Variants in STPG2 observed in about 807,000 individuals in gnomAD.
The protein encoded by STPG2 is sperm tail PG-rich repeat containing 2, also known as sperm-tail PG-rich repeat-containing protein 2.
Under a neutral mutation model 54.2 loss-of-function variants are expected in STPG2, and 56 were observed. The ratio of observed to expected loss-of-function variants is 1.03; its 90% CI spans 0.83 to 1.29. The LOEUF is 1.29. Ranked by LOEUF, STPG2 falls within the 50% of genes most tolerant of loss-of-function variation. The pLI is 0.00. For missense variants in STPG2, 596 were observed against 544.9 expected (o/e 1.09, Z -0.93); for synonymous variants, 200 against 181.8 (o/e 1.10, Z -0.81).
At chr4:97,976,144 C>T (rs1265187017) in intron 6 of STPG2, among the ~76,000 whole-genome samples, 3 of 152,138 alleles carry the variant, frequency 2.0e-5, no homozygotes, top group East Asian at 3.9e-4. Flanking sequence ...AGTCTATTCC[C>T]TAAAAATATC....
intron 8 of STPG2, among the ~76,000 whole-genome samples, chr4:97,864,556 C>A (rs1470057570): frequency 1.3e-5 from 2 of 152,088 alleles, no homozygotes; most frequent in South Asian, 2.1e-4. Context: ...CATCAAGCTA[C>A]CAATGACTTT....
chr4:97,942,025 TC>T (rs1425643405), intron 8 of STPG2, among the ~76,000 whole-genome samples: 1 of 151,818 alleles, frequency 6.6e-6, no homozygotes, highest in Admixed American at 6.6e-5. Flanking sequence ...GTAAATTAAG[TC>T]AAAAATATTG....
At chr4:97,489,043 T>C (rs1730440780) in intron 4 of STPG2, among the ~76,000 whole-genome samples, 1 of 151,486 alleles carries the variant, frequency 6.6e-6, no homozygotes, top group African/African-American at 2.4e-5. Flanking sequence ...TGGGGGCGGG[T>C]CTTTCCCATG....
chr4:98,020,760 T>C (rs1736154632), intron 5 of STPG2, among the ~76,000 whole-genome samples: 1 of 152,218 alleles, frequency 6.6e-6, no homozygotes, highest in African/African-American at 2.4e-5. Flanking sequence ...GGTGTATGTG[T>C]CCAGGAATTT....
chr4:97,572,605 G>A (rs1732627587), intron 10 of STPG2: 1 of 152,072 alleles, frequency 6.6e-6, no homozygotes, highest in Non-Finnish European at 1.5e-5. Context: ...GCAAATGATA[G>A]TGTGCTTTTG....
chr4:98,078,892 T>G (rs960849675), intron 5 of STPG2, among the ~76,000 whole-genome samples: 1 of 152,160 alleles, frequency 6.6e-6, no homozygotes, highest in Non-Finnish European at 1.5e-5. Context: ...TTAAAAGGTA[T>G]TGTAAGTCTA....
chr4:97,804,342 T>G (rs111332990), intron 9 of STPG2, among the ~76,000 whole-genome samples: 1,885 of 152,256 alleles, frequency 0.012, 33 homozygotes, highest in African/African-American at 0.043. Flanking sequence ...GAAAAATTCC[T>G]GTTGCCTAGT....
At chr4:98,061,869 A>G (rs1283323116) in intron 5 of STPG2, among the ~76,000 whole-genome samples, 2 of 152,204 alleles carry the variant, frequency 1.3e-5, no homozygotes, top group African/African-American at 4.8e-5. Flanking sequence ...TAGTTCAAAC[A>G]CTATGGAAAG....
chr4:97,795,281 T>A (rs974842245), intron 9 of STPG2, among the ~76,000 whole-genome samples: 1 of 152,190 alleles, frequency 6.6e-6, no homozygotes, highest in African/African-American at 2.4e-5. Flanking sequence ...TGTGCCATGT[T>A]GGTGTGCTGC....
At chr4:97,537,523 C>G (rs1731565781) in intron 4 of STPG2, among the ~76,000 whole-genome samples, 1 of 152,138 alleles carries the variant, frequency 6.6e-6, no homozygotes, top group Non-Finnish European at 1.5e-5. Flanking sequence ...TCTGAGGCTT[C>G]AGTAGGTAAA....
intron 5 of STPG2, among the ~76,000 whole-genome samples, chr4:98,099,731 C>G (rs1896156): frequency 0.4 from 60,167 of 151,772 alleles, 12,150 homozygotes; most frequent in Middle Eastern, 0.47. Flanking sequence ...TCTCATGTAC[C>G]CCATAAAAAT....
chr4:97,746,748 A>T (rs952741970), intron 9 of STPG2, among the ~76,000 whole-genome samples: 10 of 151,288 alleles, frequency 6.6e-5, no homozygotes, highest in Non-Finnish European at 1.3e-4. Context: ...TTACCTAAAT[A>T]TGGCAAAGGG....
At chr4:97,552,737 G>GA (rs1488508799) in intron 4 of STPG2, among the ~76,000 whole-genome samples, 4 of 151,880 alleles carry the variant, frequency 2.6e-5, no homozygotes, top group African/African-American at 7.3e-5. Flanking sequence ...CTAATGTAAA[G>GA]AAAAAAATGA....
At chr4:97,981,052 A>G (rs1215359353) in intron 6 of STPG2, 107 bp downstream of exon 6, 1 of 1,216,080 alleles carries the variant, frequency 8.2e-7, no homozygotes, top group African/African-American at 1.5e-5. Flanking sequence ...AATGACACCA[A>G]CCATAGGACA....
At chr4:98,057,940 A>AT (rs1737529438) in intron 5 of STPG2, among the ~76,000 whole-genome samples, 2 of 152,254 alleles carry the variant, frequency 1.3e-5, no homozygotes. Flanking sequence ...CCAGATTTTC[A>AT]TATCTAGCCA....
chr4:97,799,752 T>C (rs979492389), intron 9 of STPG2, among the ~76,000 whole-genome samples: 5 of 148,966 alleles, frequency 3.4e-5, no homozygotes, highest in African/African-American at 1.3e-4. Context: ...TGGCGAAGTT[T>C]TCCTGGATAA....
At chr4:97,483,747 T>C (rs1337474280) in intron 4 of STPG2, among the ~76,000 whole-genome samples, 2 of 151,752 alleles carry the variant, frequency 1.3e-5, no homozygotes, top group East Asian at 3.9e-4. Flanking sequence ...TACAGAACTT[T>C]CCATCCAATA....
Position 98,066,345 on chromosome 4 carries a change from C to CTATAATCCCAGCACTT in STPG2, c.612+39607_612+39608insAAGTGCTGGGATTATA, listed in dbSNP as rs1553938512. 1.3e-5 allele frequency among the ~76,000 whole-genome samples: 2 copies of CTATAATCCCAGCACTT among 151,832 alleles called. 1 individual carries two copies. Among genetic ancestry groups the CTATAATCCCAGCACTT allele is most frequent in the South Asian group, 4.1e-4 (2 of 4,828 alleles). On this transcript the variant is annotated intron_variant, in intron 5 of 10. Coordinates refer to ENST00000295268, the MANE Select transcript of STPG2 (RefSeq NM_174952.3). ...CTTGGCTGGACATTGTGGCTCACAA[C>CTATAATCCCAGCACTT]TGGGAGGCTGAGGCGGGTGGATCAC...
At chr4:97,458,922 T>A (rs1009670434) in intron 4 of STPG2, among the ~76,000 whole-genome samples, 4 of 152,096 alleles carry the variant, frequency 2.6e-5, no homozygotes, top group African/African-American at 9.7e-5. Context: ...TAGAATATTA[T>A]CAGGGCAATT....
Sources: allele counts gnomAD v4.1 joint callset (sites outside exome capture counted in the v4.1 genomes callset), GRCh38; gene constraint gnomAD v4.1.1; transcripts MANE v1.5; gene names NCBI Gene and HGNC (gene_info 2026-07-23, HGNC 2026-07-21).